TAF4: variants seen among roughly 807,000 people sequenced by gnomAD.
TAF4 encodes the protein transcription initiation factor TFIID subunit 4.
A neutral mutation model predicts 90.3 loss-of-function variants in TAF4; 9 were observed. The ratio of observed to expected loss-of-function variants is 0.10; its 90% CI spans 0.06 to 0.17. The LOEUF (loss-of-function observed/expected upper bound fraction) is 0.17, where lower values mean the gene tolerates loss of function less well. Ranked by LOEUF, TAF4 falls within the 10% of genes least tolerant of loss-of-function variation. TAF4 has a pLI of 1.00. For synonymous variants in TAF4, 818 were observed against 638.9 expected (o/e 1.28, Z -4.23); for missense variants, 1,351 against 1,370.7 (o/e 0.99, Z 0.23).
intron 1 of TAF4, among the ~76,000 whole-genome samples, chr20:62,026,382 G>C (rs1326772792): frequency 6.6e-6 from 1 of 152,192 alleles, no homozygotes; most frequent in Non-Finnish European, 1.5e-5. Flanking sequence ...TCACTGAGTA[G>C]CTCGGAGCAT....
chr20:62,057,361 T>C (rs2056070517), intron 1 of TAF4, among the ~76,000 whole-genome samples: 1 of 152,200 alleles, frequency 6.6e-6, no homozygotes. Context: ...AACAATTCCC[T>C]TGGGAGCCAC....
rs1317881649 is a variant in TAF4 at position 61,997,990 on chromosome 20, G to T, written c.2970+146C>A. The T allele has an allele frequency of 3.6e-5, 28 of 779,088 alleles. No homozygotes were observed. The East Asian group carries it at 7.8e-4, about 22-fold the overall frequency. 48.3% of individuals were successfully genotyped at this position (779,088 alleles called of 1,614,324 possible). On this transcript the variant is annotated intron_variant, in intron 13 of 14. Transcript: ENST00000252996. ...TGCACAGGAAAATACCTCTGATGTT[G>T]TATTTATTTAAACTTGGCAAACATT...
chr20:62,061,861 G>A (rs190210542), intron 1 of TAF4, among the ~76,000 whole-genome samples: 4 of 152,350 alleles, frequency 2.6e-5, no homozygotes, highest in Middle Eastern at 3.4e-3. Context: ...ACACTGTCCT[G>A]ACAAAGAATA....
At chr20:61,989,660 A>T (rs1158939924) in intron 14 of TAF4, among the ~76,000 whole-genome samples, 1 of 54,106 alleles carries the variant, frequency 1.8e-5, no homozygotes, top group East Asian at 6.4e-4. Flanking sequence ...CACTGCAGTG[A>T]GTGAGTGAAT....
At chr20:62,043,041 G>A (rs936780749) in intron 1 of TAF4, among the ~76,000 whole-genome samples, 3 of 152,174 alleles carry the variant, frequency 2.0e-5, no homozygotes, top group Non-Finnish European at 2.9e-5. Context: ...AAAAAAGCTC[G>A]CTGGGCGTGG....
chr20:62,025,767 C>T (rs2055871256), intron 1 of TAF4, among the ~76,000 whole-genome samples: 1 of 152,214 alleles, frequency 6.6e-6, no homozygotes, highest in Admixed American at 6.6e-5. Context: ...GACTACTACG[C>T]TGTCTGACTG....
intron 9 of TAF4, among the ~76,000 whole-genome samples, chr20:62,002,754 T>C (rs2055714975): frequency 6.6e-6 from 1 of 152,220 alleles, no homozygotes; most frequent in South Asian, 2.1e-4. Context: ...TTCAGCCTCC[T>C]GTAGTGCTGG....
chr20:62,031,896 C>T (rs1446550972), intron 1 of TAF4, among the ~76,000 whole-genome samples: 3 of 152,016 alleles, frequency 2.0e-5, no homozygotes, highest in African/African-American at 7.2e-5. Flanking sequence ...GGGCAGCTGG[C>T]CCAGCAACAC....
chr20:61,990,798 G>A (rs529258993), intron 14 of TAF4, among the ~76,000 whole-genome samples: 18 of 152,310 alleles, frequency 1.2e-4, no homozygotes, highest in East Asian at 7.7e-4. Flanking sequence ...ACAGAGCCCC[G>A]GAGCCACAGA....
chr20:62,031,004 G>C (rs1053693267), intron 1 of TAF4, among the ~76,000 whole-genome samples: 2 of 152,202 alleles, frequency 1.3e-5, no homozygotes, highest in Non-Finnish European at 1.5e-5. Flanking sequence ...CAACAAACAG[G>C]AAATGACTTG....
intron 1 of TAF4, among the ~76,000 whole-genome samples, chr20:62,028,557 C>T (rs1352303982): frequency 1.3e-5 from 2 of 152,086 alleles, no homozygotes; most frequent in African/African-American, 2.4e-5. Flanking sequence ...CACTGCGGGG[C>T]GACTGTATCT....
chr20:62,034,247 G>T (rs531384047), intron 1 of TAF4, among the ~76,000 whole-genome samples: 7 of 152,290 alleles, frequency 4.6e-5, no homozygotes, highest in African/African-American at 1.7e-4. Context: ...TGGAAGAGTT[G>T]AAGAGTGCTA....
rs567895880 is a variant in TAF4 at position 62,049,893 on chromosome 20, A to T, written c.1360+14558T>A. ...AAGACTAAACACGGTGCCAGAGACG[A>T]CGGCACTCAAGATGCTTGGAGCAAA... On this transcript the variant is annotated intron_variant, in intron 1 of 14. Coordinates refer to ENST00000252996, the MANE Select transcript of TAF4 (RefSeq NM_003185.4). 4.6e-5 allele frequency among the ~76,000 whole-genome samples: 7 copies of T among 152,162 alleles called. No individual in the cohort carries two copies. In the East Asian group the frequency reaches 1.4e-3, roughly 29 times the overall value.
In TAF4 at chr20:62,000,105, T is replaced by C. The variant is rs1386682054; in HGVS notation, c.2787+19A>G. On this transcript the variant is annotated intron_variant, in intron 11 of 14. Transcript: ENST00000252996. ...GGCCAACAACATAAAGACGCTCTCC[T>C]CGGCAAACAGCCTGTTACCTTGTAA... The C allele has an allele frequency of 6.2e-7, 1 of 1,614,108 alleles. No homozygotes were observed. Among genetic ancestry groups the C allele is most frequent in the East Asian group, 2.2e-5 (1 of 44,896 alleles).
chr20:62,039,675 C>G (rs989802020), intron 1 of TAF4, among the ~76,000 whole-genome samples: 1 of 152,190 alleles, frequency 6.6e-6, no homozygotes, highest in Non-Finnish European at 1.5e-5. Flanking sequence ...AAAACTTGCA[C>G]TTTAAAACGC....
chr20:62,017,077 G>A (rs1340226430), intron 1 of TAF4, among the ~76,000 whole-genome samples: 2 of 151,748 alleles, frequency 1.3e-5, no homozygotes, highest in African/African-American at 4.8e-5. Flanking sequence ...GGAGCTGGAA[G>A]CTGCAGTGGG....
chr20:61,998,638 G>A (rs1435836485), intron 12 of TAF4, among the ~76,000 whole-genome samples: 2 of 152,206 alleles, frequency 1.3e-5, no homozygotes, highest in African/African-American at 4.8e-5. Flanking sequence ...AATGAGCAGT[G>A]CCTCGCCTGG....
At chr20:62,036,864 T>C (rs1568938736) in intron 1 of TAF4, among the ~76,000 whole-genome samples, 1 of 152,210 alleles carries the variant, frequency 6.6e-6, no homozygotes, top group African/African-American at 2.4e-5. Context: ...GGGGGGACTT[T>C]GGGGGCCCAG....
At chr20:62,035,915 G>A (rs1332122132) in intron 1 of TAF4, among the ~76,000 whole-genome samples, 1 of 151,670 alleles carries the variant, frequency 6.6e-6, no homozygotes, top group Non-Finnish European at 1.5e-5. Context: ...TTCACAGAAG[G>A]TTACCCACAA....
Sources: allele counts gnomAD v4.1 joint callset (sites outside exome capture counted in the v4.1 genomes callset), GRCh38; gene constraint gnomAD v4.1.1; transcripts MANE v1.5; gene names NCBI Gene and HGNC (gene_info 2026-07-23, HGNC 2026-07-21).